RTN4R: variants seen among roughly 807,000 people sequenced by gnomAD.
RTN4R encodes the protein reticulon 4 receptor.
In RTN4R, 4 loss-of-function variants were observed where a neutral mutation model predicts 27.7. The observed-to-expected ratio is 0.14, with a 90% CI of 0.07 to 0.33. The LOEUF is 0.33. Among genes scored for constraint, RTN4R ranks in the 10% least tolerant of loss-of-function variants. The probability of loss-of-function intolerance (pLI) is 1.00; values close to 1 mark genes in which losing one functional copy is unlikely to be tolerated. For synonymous variants in RTN4R, 290 were observed against 305.6 expected, an observed-to-expected ratio of 0.95 and a Z score of 0.53; for missense variants, 554 against 671.5, an observed-to-expected ratio of 0.83 and a Z score of 1.93.
chr22:20,263,384 C>A (rs2051258779), intron 1 of RTN4R, among the ~76,000 whole-genome samples: 1 of 152,238 alleles, frequency 6.6e-6, no homozygotes, highest in Non-Finnish European at 1.5e-5. Context: ...AAACAGGGCC[C>A]AAGACGCCCT....
At chr22:20,266,485 C>T (rs2051277264) in intron 1 of RTN4R, among the ~76,000 whole-genome samples, 1 of 152,248 alleles carries the variant, frequency 6.6e-6, no homozygotes, top group Non-Finnish European at 1.5e-5. Context: ...GCACTGGAGG[C>T]GGGGCCTCTG....
At position 20,241,772 on chromosome 22, in the gene RTN4R, G is replaced by A. The variant is rs1435046081; in HGVS notation, c.1361C>T (p.Thr454Ile). Residue 454 changes from threonine (T) to isoleucine (I), a missense_variant, in exon 2 of 2, where the codon ACC (threonine) becomes ATC (isoleucine). Physicochemically the swap from Thr to Ile is moderately conservative, Grantham distance 89. This residue lies in a region of RTN4R where 141 missense variants were observed against 129.2 expected (regional missense o/e 1.09). Coordinates refer to ENST00000043402, the MANE Select transcript of RTN4R (RefSeq NM_023004.6). ...SEGSGALPSL[T>I]CSLTPLGLAL... ...CAGGCCCAGGGGGGTGAGGCTGCAG[G>A]TGAGGCTGGGTAGGGCACCTGAGCC... The A allele has an allele frequency of 6.4e-7, 1 of 1,555,642 alleles. No individual in the cohort carries two copies. Among genetic ancestry groups the A allele is most frequent in the Non-Finnish European group, 8.7e-7 (1 of 1,149,946 alleles).
rs868147296 is a variant in RTN4R at position 20,248,834 on chromosome 22, T to C, written c.23-5724A>G. Among the ~76,000 whole-genome samples the C allele has an allele frequency of 1.8e-4, 27 of 152,304 alleles. 1 individual carries two copies. In the Middle Eastern group the frequency reaches 0.014, roughly 77 times the overall value. ...GCAGAGCCCCAAGTGGGCAGGATCC[T>C]TGGCCTAGCACCTAGGCCTCGAGGA... is the stretch of plus-strand genomic sequence containing the variant. On this transcript the variant is annotated intron_variant, in intron 1 of 1. Coordinates refer to ENST00000043402, the MANE Select transcript of RTN4R (RefSeq NM_023004.6).
chr22:20,241,421 A>C lies in RTN4R; in HGVS notation c.*290T>G. 4.2e-6 allele frequency: 2 copies of C among 476,356 alleles called. No homozygotes were observed. Among genetic ancestry groups the C allele is most frequent in the Non-Finnish European group, 7.6e-6 (2 of 263,644 alleles). The allele number at this position is 476,356 out of a possible 1,614,324, so 29.5% of individuals were successfully genotyped here. On this transcript the variant is annotated 3_prime_UTR_variant, in exon 2 of 2. Transcript: ENST00000043402. Reference sequence around the variant, plus strand: ...TAGCCTGAGAGGCCACAGCTTAAGAAAAGAGCTCTTTATTCCACGTCGTCC... The same window carrying C: ...TAGCCTGAGAGGCCACAGCTTAAGACAAGAGCTCTTTATTCCACGTCGTCC...
At chr22:20,263,079 G>A (rs1184678718) in intron 1 of RTN4R, among the ~76,000 whole-genome samples, 1 of 152,232 alleles carries the variant, frequency 6.6e-6, no homozygotes, top group Non-Finnish European at 1.5e-5. Flanking sequence ...GACATTTCCC[G>A]TGACATTTGC....
At chr22:20,251,509 A>T (rs2051176470) in intron 1 of RTN4R, among the ~76,000 whole-genome samples, 1 of 151,950 alleles carries the variant, frequency 6.6e-6, no homozygotes, top group South Asian at 2.1e-4. Flanking sequence ...CATCATCACC[A>T]TCACCATCCT....
At chr22:20,258,749 C>T (rs563785363) in intron 1 of RTN4R, among the ~76,000 whole-genome samples, 1 of 152,332 alleles carries the variant, frequency 6.6e-6, no homozygotes, top group South Asian at 2.1e-4. Flanking sequence ...CAACATCAAG[C>T]TCCCTGTGAT....
intron 1 of RTN4R, among the ~76,000 whole-genome samples, chr22:20,248,028 C>G (rs2051152383): frequency 6.6e-6 from 1 of 152,220 alleles, no homozygotes; most frequent in Admixed American, 6.5e-5. Context: ...GGTCCAGGGC[C>G]AGCAGGCCAG....
At chr22:20,251,561 G>T in intron 1 of RTN4R, among the ~76,000 whole-genome samples, 1 of 134,134 alleles carries the variant, frequency 7.5e-6, no homozygotes, top group African/African-American at 2.8e-5. Context: ...ATCATCAGCA[G>T]CAGCATCATC....
chr22:20,244,260 A>G (rs1011751599), intron 1 of RTN4R, among the ~76,000 whole-genome samples: 3 of 152,242 alleles, frequency 2.0e-5, no homozygotes, highest in Non-Finnish European at 4.4e-5. Context: ...GGAGCCGGGC[A>G]GGAGGAAGGA....
At chr22:20,254,214 A>C (rs1333630622) in intron 1 of RTN4R, among the ~76,000 whole-genome samples, 2 of 152,056 alleles carry the variant, frequency 1.3e-5, no homozygotes, top group Non-Finnish European at 2.9e-5. Context: ...GGACTGCTTG[A>C]GGCCAGGAGT....
intron 1 of RTN4R, among the ~76,000 whole-genome samples, chr22:20,244,347 C>G (rs908463595): frequency 6.6e-6 from 1 of 152,232 alleles, no homozygotes. Flanking sequence ...CCCTGCCCCA[C>G]TGGGTCCTCT....
chr22:20,259,632 A>G (rs2051233281), intron 1 of RTN4R, among the ~76,000 whole-genome samples: 1 of 152,134 alleles, frequency 6.6e-6, no homozygotes, highest in Admixed American at 6.5e-5. Flanking sequence ...TCACCCGGGC[A>G]GTGGCCTGTC....
At chr22:20,263,232 G>C (rs1244954465) in intron 1 of RTN4R, among the ~76,000 whole-genome samples, 1 of 152,114 alleles carries the variant, frequency 6.6e-6, no homozygotes, top group Non-Finnish European at 1.5e-5. Context: ...CAGGGCCCTT[G>C]CTGGAGGCCC....
intron 1 of RTN4R, among the ~76,000 whole-genome samples, chr22:20,264,808 C>G (rs1417204335): frequency 6.6e-6 from 1 of 152,206 alleles, no homozygotes; most frequent in Non-Finnish European, 1.5e-5. Context: ...TGCAGAGGGT[C>G]AGGCAGACCA....
chr22:20,266,844 G>T (rs1201693040), intron 1 of RTN4R, among the ~76,000 whole-genome samples: 1 of 152,258 alleles, frequency 6.6e-6, no homozygotes, highest in African/African-American at 2.4e-5. Flanking sequence ...ACATGATCAC[G>T]CGCACAGACA....
intron 1 of RTN4R, among the ~76,000 whole-genome samples, chr22:20,258,682 C>T (rs1291180216): frequency 3.3e-5 from 5 of 152,188 alleles, no homozygotes; most frequent in Non-Finnish European, 7.4e-5. Flanking sequence ...TCCCCTGGCT[C>T]CCAGGGCAGG....
At chr22:20,245,162 A>T (rs1036726959) in intron 1 of RTN4R, among the ~76,000 whole-genome samples, 3 of 152,108 alleles carry the variant, frequency 2.0e-5, no homozygotes, top group Non-Finnish European at 4.4e-5. Flanking sequence ...GTCGGGGGAG[A>T]CAGGGGAGGA....
intron 1 of RTN4R, among the ~76,000 whole-genome samples, chr22:20,254,311 C>T (rs1263080842): frequency 6.6e-6 from 1 of 151,396 alleles, no homozygotes; most frequent in Non-Finnish European, 1.5e-5. Flanking sequence ...TGCCTGTAAT[C>T]CCAGCTACTT....
Sources: allele counts gnomAD v4.1 joint callset (sites outside exome capture counted in the v4.1 genomes callset), GRCh38; gene constraint gnomAD v4.1.1; regional missense constraint gnomAD v4.1.1; transcripts MANE v1.5; gene names NCBI Gene and HGNC (gene_info 2026-07-23, HGNC 2026-07-21).